The following FGF1 variants were observed in gnomAD, a reference collection of about 807,000 sequenced individuals.
The protein encoded by FGF1 is fibroblast growth factor 1, also known as beta-endothelial cell growth factor.
A neutral mutation model predicts 13.4 loss-of-function variants in FGF1; 9 were observed. The ratio of observed to expected loss-of-function variants is 0.67; its 90% CI spans 0.40 to 1.17. The LOEUF (loss-of-function observed/expected upper bound fraction) is 1.17, where lower values mean the gene tolerates loss of function less well. Ranked by LOEUF, FGF1 falls within the 50% of genes most tolerant of loss-of-function variation. The pLI is 0.01. For missense variants in FGF1, 156 were observed against 192.7 expected, an observed-to-expected ratio of 0.81 and a Z score of 1.13; for synonymous variants, 93 against 79.0, an observed-to-expected ratio of 1.18 and a Z score of -0.94.
chr5:142,618,924 GTTTTGTTTTTTT>G (rs1024295632), intron 1 of FGF1, among the ~76,000 whole-genome samples: 3 of 78,324 alleles, frequency 3.8e-5, no homozygotes, highest in African/African-American at 1.4e-4. Context: ...TTTTTTAGTT[GTTTTGTTTTTTT>G]TTTTTTTTTT....
At chr5:142,677,387 T>C (rs538049718) in intron 1 of FGF1, among the ~76,000 whole-genome samples, 36 of 152,334 alleles carry the variant, frequency 2.4e-4, no homozygotes, top group Non-Finnish European at 4.3e-4. Flanking sequence ...CACTTGTTTG[T>C]CTTTGATGCC....
At chr5:142,630,452 T>G (rs1421509034) in intron 1 of FGF1, among the ~76,000 whole-genome samples, 1 of 152,178 alleles carries the variant, frequency 6.6e-6, no homozygotes, top group Non-Finnish European at 1.5e-5. Flanking sequence ...CCCATCACTT[T>G]TACACATAGA....
chr5:142,648,189 C>G (rs114059676), intron 1 of FGF1, among the ~76,000 whole-genome samples: 2 of 152,086 alleles, frequency 1.3e-5, no homozygotes, highest in African/African-American at 4.8e-5. Context: ...ACCAAGAGAA[C>G]AAGTGTCTTC....
intron 1 of FGF1, among the ~76,000 whole-genome samples, chr5:142,646,726 T>C (rs1288234035): frequency 6.6e-6 from 1 of 152,108 alleles, no homozygotes; most frequent in Non-Finnish European, 1.5e-5. Context: ...ACTCCTGACC[T>C]CGTGATCTAC....
At chr5:142,616,953 A>G (rs1271507293) in intron 1 of FGF1, among the ~76,000 whole-genome samples, 2 of 152,218 alleles carry the variant, frequency 1.3e-5, no homozygotes, top group African/African-American at 4.8e-5. Context: ...ACTTAACTGC[A>G]CAAATAGTCA....
intron 1 of FGF1, among the ~76,000 whole-genome samples, chr5:142,663,554 G>A (rs963268427): frequency 1.4e-4 from 22 of 152,168 alleles, no homozygotes; most frequent in African/African-American, 4.6e-4. Context: ...CCAAGAGGTC[G>A]AGACAGAAGG....
At chr5:142,666,019 C>T in intron 1 of FGF1, among the ~76,000 whole-genome samples, 1 of 152,124 alleles carries the variant, frequency 6.6e-6, no homozygotes, top group Non-Finnish European at 1.5e-5. Flanking sequence ...CTGGCCTGCT[C>T]CACCACCCAG....
intron 1 of FGF1, among the ~76,000 whole-genome samples, chr5:142,638,069 C>T (rs533574538): frequency 6.6e-6 from 1 of 151,984 alleles, no homozygotes; most frequent in South Asian, 2.1e-4. Flanking sequence ...TGGCAGTGAA[C>T]AAAGCCGGCA....
chr5:142,671,041 AAAAAGTTTCTC>A (rs1222217878), intron 1 of FGF1, among the ~76,000 whole-genome samples: 1 of 152,202 alleles, frequency 6.6e-6, no homozygotes, highest in African/African-American at 2.4e-5. Flanking sequence ...AATTAAGAGG[AAAAAGTTTCTC>A]AACATGCAAC....
rs551105836 is a variant in FGF1 at position 142,601,984 on chromosome 5, C to A, written c.170-1179G>T. 7.9e-5 allele frequency among the ~76,000 whole-genome samples: 12 copies of A among 152,316 alleles called. No individual in the cohort carries two copies. The South Asian group carries it at 2.5e-3, about 32-fold the overall frequency. On this transcript the variant is annotated intron_variant, in intron 2 of 3. Transcript: ENST00000337706. The stretch of plus-strand genomic sequence containing the variant: ...AATTTATTTGGTCACTAGACCGTCA[C>A]AACCATCATTACAACTAGGAGTGAA...
intron 2 of FGF1, among the ~76,000 whole-genome samples, chr5:142,604,973 G>A (rs1757326322): frequency 6.6e-6 from 1 of 152,156 alleles, no homozygotes; most frequent in South Asian, 2.1e-4. Context: ...AATGGAGTGA[G>A]GTTAGTTGCC....
At chr5:142,649,685 G>C (rs1356385070) in intron 1 of FGF1, among the ~76,000 whole-genome samples, 1 of 152,090 alleles carries the variant, frequency 6.6e-6, no homozygotes, top group Admixed American at 6.5e-5. Context: ...GGGATTACAG[G>C]TGTGAGCCAC....
chr5:142,696,370 A>G (rs896637811), intron 2 of FGF1, among the ~76,000 whole-genome samples: 9 of 152,176 alleles, frequency 5.9e-5, no homozygotes, highest in Admixed American at 3.3e-4. Flanking sequence ...AACTCTGATC[A>G]TTTCTGGGGA....
intron 1 of FGF1, among the ~76,000 whole-genome samples, chr5:142,616,716 C>T (rs1382384479): frequency 6.6e-6 from 1 of 152,162 alleles, no homozygotes; most frequent in African/African-American, 2.4e-5. Flanking sequence ...ACTCCTCACT[C>T]CACTCCCTTC....
At chr5:142,629,647 G>A (rs1236450038) in intron 1 of FGF1, among the ~76,000 whole-genome samples, 1 of 151,736 alleles carries the variant, frequency 6.6e-6, no homozygotes, top group Non-Finnish European at 1.5e-5. Flanking sequence ...TTGTTTACTT[G>A]TTATTGTCTG....
chr5:142,691,912 T>C (rs897176751), intron 2 of FGF1, among the ~76,000 whole-genome samples: 4 of 152,220 alleles, frequency 2.6e-5, no homozygotes, highest in African/African-American at 7.2e-5. Context: ...TTATCATTTA[T>C]TTATATTTAT....
upstream of FGF1, chr5:142,698,036 C>T (rs892774051): frequency 3.3e-5 from 5 of 152,210 alleles, no homozygotes; most frequent in Non-Finnish European, 7.3e-5. Flanking sequence ...AGGCTAAGGA[C>T]AAGCACTGTA....
At chr5:142,695,235 C>T (rs533131039) in intron 2 of FGF1, among the ~76,000 whole-genome samples, 2 of 152,266 alleles carry the variant, frequency 1.3e-5, no homozygotes, top group Admixed American at 6.5e-5. Context: ...CTCCAGCATA[C>T]CATCTGTGTT....
chr5:142,640,334 A>G (rs1208624903), intron 1 of FGF1, among the ~76,000 whole-genome samples: 1 of 151,616 alleles, frequency 6.6e-6, no homozygotes, highest in Non-Finnish European at 1.5e-5. Context: ...AACAGCTAAG[A>G]AAATCTAAAA....
Sources: gnomAD v4.1 joint callset for allele counts (sites outside exome capture counted in the v4.1 genomes callset) on GRCh38, gnomAD v4.1.1 for gene constraint, MANE v1.5 for transcripts, NCBI Gene and HGNC (gene_info 2026-07-23, HGNC 2026-07-21) for gene names.